The following RAP1B variants were observed in gnomAD, a reference collection of about 807,000 sequenced individuals.
The protein encoded by RAP1B is RAP1B, member of RAS oncogene family.
A neutral mutation model predicts 27.5 loss-of-function variants in RAP1B; 1 was observed. That is an observed-to-expected ratio of 0.04 (90% CI 0.01 to 0.17). The LOEUF is 0.17. RAP1B is among the 10% of genes least tolerant of loss of function. The probability of loss-of-function intolerance (pLI) is 1.00; values close to 1 mark genes in which losing one functional copy is unlikely to be tolerated. For missense variants in RAP1B, 84 were observed against 214.8 expected (o/e 0.39, Z 3.81); for synonymous variants, 75 against 73.1 (o/e 1.03, Z -0.13).
At position 68,661,973 on chromosome 12, in the gene RAP1B, G is replaced by A. The variant is rs1874614695; in HGVS notation, c.*2724G>A. ...GAGAATGATAATACCTACTTCATAG[G>A]AGAGTGAAATGAATGCCAGTGCTAT... is the stretch of plus-strand genomic sequence containing the variant. On this transcript the variant is annotated 3_prime_UTR_variant, in exon 8 of 8. Coordinates refer to ENST00000250559, the MANE Select transcript of RAP1B (RefSeq NM_001010942.3). The A allele has an allele frequency of 6.8e-6, 1 of 148,078 alleles. No individual in the cohort carries two copies. The highest frequency in any genetic ancestry group is 1.5e-5 in the Non-Finnish European group (1 of 67,294). The allele number at this position is 148,078 out of a possible 1,614,324, so 9.2% of individuals were successfully genotyped here.
chr12:68,639,573 T>C lies in RAP1B; in HGVS notation c.-26-9126T>C, dbSNP rs534183689. Among the ~76,000 whole-genome samples the C allele has an allele frequency of 3.0e-4, 45 of 152,316 alleles. 1 individual carries two copies. Among genetic ancestry groups the C allele is most frequent in the East Asian group, 9.6e-4 (5 of 5,186 alleles). On this transcript the variant is annotated intron_variant, in intron 1 of 7. Coordinates refer to ENST00000250559, the MANE Select transcript of RAP1B (RefSeq NM_001010942.3). Reference sequence around the variant, plus strand: ...TCCTTGACACTAACCTCCTAAGAACTGCATCTTGAGATATGCTGCCCTGAT... The same window carrying C: ...TCCTTGACACTAACCTCCTAAGAACCGCATCTTGAGATATGCTGCCCTGAT...
At chr12:68,620,448 C>T (rs1871312310) in intron 1 of RAP1B, among the ~76,000 whole-genome samples, 1 of 152,052 alleles carries the variant, frequency 6.6e-6, no homozygotes, top group Non-Finnish European at 1.5e-5. Flanking sequence ...GTCCCGAACT[C>T]CTGACCTCAG....
rs1162043638 is a variant in RAP1B, at chr12:68,669,884, G to A, written c.*10635G>A. On this transcript the variant is annotated 3_prime_UTR_variant, in exon 8 of 8. Transcript: ENST00000250559. ...TAGAGTAGAACTGAGTCCAGAACTA[G>A]ATTCCAGTATATGACGTTTATACGT... is the stretch of plus-strand genomic sequence containing the variant. 2 of 150,520 alleles carry A rather than the reference G, an allele frequency of 1.3e-5. No individual in the cohort carries two copies. The highest frequency in any genetic ancestry group is 3.9e-4 in the East Asian group (2 of 5,130). The allele number at this position is 150,520 out of a possible 1,614,324, so 9.3% of individuals were successfully genotyped here.
intron 1 of RAP1B, among the ~76,000 whole-genome samples, chr12:68,622,268 C>G (rs1290618138): frequency 6.6e-6 from 1 of 152,204 alleles, no homozygotes; most frequent in Non-Finnish European, 1.5e-5. Context: ...CTTGTCTGGA[C>G]TCACAGGAGC....
chr12:68,656,658 C>A, intron 6 of RAP1B: 1 of 582,164 alleles, frequency 1.7e-6, no homozygotes, highest in African/African-American at 1.9e-5. Flanking sequence ...TTGATATTTA[C>A]CATGAAAAAG....
At chr12:68,642,232 T>C (rs1873067302) in intron 1 of RAP1B, among the ~76,000 whole-genome samples, 1 of 152,194 alleles carries the variant, frequency 6.6e-6, no homozygotes, top group Admixed American at 6.5e-5. Context: ...CTGCATCCAG[T>C]TTTTACAAAT....
intron 1 of RAP1B, among the ~76,000 whole-genome samples, chr12:68,625,939 T>A (rs1230036539): frequency 6.6e-6 from 1 of 151,908 alleles, no homozygotes; most frequent in African/African-American, 2.4e-5. Flanking sequence ...AAAAAAAGTT[T>A]CAGGTGTATT....
chr12:68,663,466 G>A lies in RAP1B; in HGVS notation c.*4217G>A, dbSNP rs545986668. The A allele has an allele frequency of 6.6e-6, 1 of 152,154 alleles. No individual in the cohort carries two copies. The highest frequency in any genetic ancestry group is 1.5e-5 in the Non-Finnish European group (1 of 68,028). 9.4% of individuals were successfully genotyped at this position (152,154 alleles called of 1,614,324 possible). On this transcript the variant is annotated 3_prime_UTR_variant, in exon 8 of 8. Coordinates refer to ENST00000250559, the MANE Select transcript of RAP1B (RefSeq NM_001010942.3). ...TTCCTTAACTATTGGGAGGAAAATGGATGAGTCTGTGTTGGGATACCTGTT... is the reference window on the plus strand; with the variant it reads ...TTCCTTAACTATTGGGAGGAAAATGAATGAGTCTGTGTTGGGATACCTGTT...
intron 1 of RAP1B, among the ~76,000 whole-genome samples, chr12:68,636,230 T>A (rs1872623993): frequency 1.3e-5 from 2 of 152,338 alleles, no homozygotes; most frequent in Middle Eastern, 3.4e-3. Context: ...GCTTTTTAAA[T>A]GTTGCTTATT....
intron 1 of RAP1B, among the ~76,000 whole-genome samples, chr12:68,644,931 TC>T (rs1419755177): frequency 2.6e-5 from 4 of 151,992 alleles, no homozygotes; most frequent in African/African-American, 7.2e-5. Flanking sequence ...GTCCAGCTGG[TC>T]CAGTGATCCA....
At chr12:68,612,739 A>T (rs1486755405) in intron 1 of RAP1B, among the ~76,000 whole-genome samples, 1 of 152,244 alleles carries the variant, frequency 6.6e-6, no homozygotes. Flanking sequence ...AACTTTAAGC[A>T]CACAGAGCCT....
chr12:68,642,737 G>A lies in RAP1B; in HGVS notation c.-26-5962G>A. 4.6e-6 allele frequency: 5 copies of A among 1,075,606 alleles called. No homozygotes were observed. The South Asian group carries it at 6.3e-5, about 13-fold the overall frequency. 66.6% of individuals were successfully genotyped at this position (1,075,606 alleles called of 1,614,324 possible). On this transcript the variant is annotated intron_variant, in intron 1 of 7. Coordinates refer to ENST00000250559, the MANE Select transcript of RAP1B (RefSeq NM_001010942.3). Reference sequence around the variant, plus strand: ...TTTTTCTTCGGCATCCACCTGCGCAGTATATTTATCCTCTGGCACGGGAAC... The same window carrying A: ...TTTTTCTTCGGCATCCACCTGCGCAATATATTTATCCTCTGGCACGGGAAC...
intron 1 of RAP1B, among the ~76,000 whole-genome samples, chr12:68,630,102 A>G (rs535625652): frequency 2.0e-5 from 3 of 152,332 alleles, no homozygotes; most frequent in South Asian, 4.1e-4. Flanking sequence ...TCAACACTGC[A>G]CTTAGCTACA....
At chr12:68,637,675 G>C (rs1248366163) in intron 1 of RAP1B, among the ~76,000 whole-genome samples, 1 of 144,312 alleles carries the variant, frequency 6.9e-6, no homozygotes, top group African/African-American at 2.6e-5. Flanking sequence ...GGTAAATTAC[G>C]TAGCTAGTTT....
At chr12:68,632,125 A>ATTTTTTTTTTTTTTTTTTTTTT (rs1211565843) in intron 1 of RAP1B, among the ~76,000 whole-genome samples, 3 of 107,142 alleles carry the variant, frequency 2.8e-5, no homozygotes, top group African/African-American at 9.2e-5. Flanking sequence ...TGGGTTTTGG[A>ATTTTTTTTTTTTTTTTTTTTTT]TTTGTTTTTT....
rs1191821891 is a variant in RAP1B at position 68,664,995 on chromosome 12, G to A, written c.*5746G>A. 1.3e-5 allele frequency: 2 copies of A among 151,952 alleles called. No homozygotes were observed. Among genetic ancestry groups the A allele is most frequent in the African/African-American group, 4.8e-5 (2 of 41,378 alleles). The allele number at this position is 151,952 out of a possible 1,614,324, so 9.4% of individuals were successfully genotyped here. A position where few individuals can be genotyped will look rare whatever the true frequency, so the allele number is the denominator to read the frequency against. ...CCAATAATGAAAAACTATGTGGCTG[G>A]CAGAAAAAAATAAGTGCGTGTGGTG... On this transcript the variant is annotated 3_prime_UTR_variant, in exon 8 of 8. Coordinates refer to ENST00000250559, the MANE Select transcript of RAP1B (RefSeq NM_001010942.3).
At chr12:68,625,687 G>A (rs921161305) in intron 1 of RAP1B, among the ~76,000 whole-genome samples, 2 of 152,158 alleles carry the variant, frequency 1.3e-5, no homozygotes, top group Admixed American at 6.5e-5. Context: ...TTGGGAGGCC[G>A]AGGCGGGTGG....
At chr12:68,643,037 G>C (rs922653705) in intron 1 of RAP1B, 1 of 737,084 alleles carries the variant, frequency 1.4e-6, no homozygotes, top group African/African-American at 1.8e-5. Flanking sequence ...GTCCACTGCA[G>C]CCGCCTTTAA....
At chr12:68,642,223 T>G (rs1873065986) in intron 1 of RAP1B, among the ~76,000 whole-genome samples, 1 of 152,192 alleles carries the variant, frequency 6.6e-6, no homozygotes, top group Non-Finnish European at 1.5e-5. Context: ...AGTTTCAAAC[T>G]GCATCCAGTT....
Sources: gnomAD v4.1 joint callset for allele counts (sites outside exome capture counted in the v4.1 genomes callset) on GRCh38, gnomAD v4.1.1 for gene constraint, MANE v1.5 for transcripts, NCBI Gene and HGNC (gene_info 2026-07-23, HGNC 2026-07-21) for gene names.